Variants in RBM27 observed in about 807,000 individuals in gnomAD.
RBM27 encodes RNA-binding protein 27.
RBM27 carries 22 observed loss-of-function variants against 135.3 expected under a neutral mutation model. The ratio of observed to expected loss-of-function variants is 0.16; its 90% confidence interval spans 0.12 to 0.23. The LOEUF (loss-of-function observed/expected upper bound fraction) is 0.23, where lower values mean the gene tolerates loss of function less well. Among genes scored for constraint, RBM27 ranks in the 10% least tolerant of loss-of-function variants. The pLI, the probability that RBM27 is intolerant of heterozygous loss-of-function variation, is 1.00. For missense variants in RBM27, 1,009 were observed against 1,281.0 expected (o/e 0.79, Z 3.24); for synonymous variants, 481 against 442.4 (o/e 1.09, Z -1.10).
intron 19 of RBM27, 119 bp downstream of exon 19, chr5:146,271,793 T>A: frequency 1.2e-6 from 1 of 847,286 alleles, no homozygotes; most frequent in Non-Finnish European, 1.8e-6. Flanking sequence ...GTAAAAAACA[T>A]GAGTACTACC....
At chr5:146,215,957 G>T (rs1756171384) in intron 1 of RBM27, among the ~76,000 whole-genome samples, 1 of 151,932 alleles carries the variant, frequency 6.6e-6, no homozygotes, top group Non-Finnish European at 1.5e-5. Flanking sequence ...CACCATTTGG[G>T]TCAGGCTGGT....
chr5:146,271,669 T>G lies in RBM27; in HGVS notation c.2983T>G (p.Phe995Val), dbSNP rs961682640. 4.3e-6 allele frequency: 7 copies of G among 1,610,954 alleles called. No individual in the cohort carries two copies. In the African/African-American group the frequency reaches 6.7e-5, roughly 15 times the overall value. The change falls in exon 19 of 21, where the codon TTC becomes GTC. Residue 995 changes from phenylalanine (F) to valine (V), a missense_variant. Physicochemically the swap from Phe to Val is conservative, Grantham distance 50. Coordinates refer to ENST00000265271, the MANE Select transcript of RBM27 (RefSeq NM_018989.2). ...EEEKEDLLQH[F>V]STANQGPKFK... ...AGAAAAAGAAGACTTGCTTCAGCAT[T>G]TCTCAGTAAGTTTTTAAAATAGCAA...
chr5:146,260,232 G>A (rs1433308867), intron 11 of RBM27, among the ~76,000 whole-genome samples: 1 of 151,898 alleles, frequency 6.6e-6, no homozygotes, highest in Admixed American at 6.6e-5. Flanking sequence ...TTGGGAGGTG[G>A]AGGTTGCAGT....
intron 8 of RBM27, among the ~76,000 whole-genome samples, chr5:146,239,765 C>T: frequency 6.7e-6 from 1 of 148,668 alleles, no homozygotes; most frequent in Non-Finnish European, 1.5e-5. Flanking sequence ...TGTGAGCCAC[C>T]ACGCCTGGAC....
chr5:146,272,433 G>A (rs1758908798), intron 19 of RBM27, among the ~76,000 whole-genome samples: 1 of 152,206 alleles, frequency 6.6e-6, no homozygotes. Flanking sequence ...AAGTTTTAAA[G>A]ATGGCCAGGG....
chr5:146,275,889 C>T (rs1362789679), intron 19 of RBM27, among the ~76,000 whole-genome samples: 1 of 152,028 alleles, frequency 6.6e-6, no homozygotes, highest in Non-Finnish European at 1.5e-5. Context: ...TGAATTTTTC[C>T]TTCTTTTCAA....
intron 8 of RBM27, among the ~76,000 whole-genome samples, chr5:146,240,204 C>G (rs1757344284): frequency 1.3e-5 from 2 of 151,704 alleles, no homozygotes; most frequent in South Asian, 4.2e-4. Flanking sequence ...ACTTTCCCCC[C>G]CAATCTTCTT....
chr5:146,223,194 A>G (rs1410010055), intron 2 of RBM27, among the ~76,000 whole-genome samples: 1 of 152,156 alleles, frequency 6.6e-6, no homozygotes, highest in African/African-American at 2.4e-5. Context: ...ATATCCTCCA[A>G]CAAATAATCT....
At chr5:146,205,168 G>A (rs908040563) in intron 1 of RBM27, among the ~76,000 whole-genome samples, 1 of 152,258 alleles carries the variant, frequency 6.6e-6, no homozygotes, top group Non-Finnish European at 1.5e-5. Context: ...AAAGTGCTGG[G>A]ATTACAGGCG....
At chr5:146,269,630 G>T (rs1329223608) in intron 17 of RBM27, 46 bp downstream of exon 17, 6 of 1,349,266 alleles carry the variant, frequency 4.4e-6, no homozygotes, top group East Asian at 2.6e-5. Flanking sequence ...TTGAACATCT[G>T]CCATGTGCTT....
chr5:146,226,654 T>C (rs1756689135), intron 3 of RBM27, among the ~76,000 whole-genome samples: 1 of 152,158 alleles, frequency 6.6e-6, no homozygotes, highest in East Asian at 1.9e-4. Flanking sequence ...GTGCTGGGAT[T>C]ACAGGTGTGA....
At chr5:146,256,413 G>A (rs1460895614) in intron 10 of RBM27, among the ~76,000 whole-genome samples, 2 of 149,228 alleles carry the variant, frequency 1.3e-5, no homozygotes, top group Non-Finnish European at 1.5e-5. Flanking sequence ...GCAGTGGCAC[G>A]ATCTCGGCTC....
At chr5:146,272,594 C>T (rs1321720876) in intron 19 of RBM27, among the ~76,000 whole-genome samples, 3 of 151,832 alleles carry the variant, frequency 2.0e-5, no homozygotes, top group South Asian at 2.1e-4. Flanking sequence ...TGGTGGTGTG[C>T]GCCTGTAATC....
At chr5:146,237,463 CAG>C in intron 8 of RBM27, 31 bp downstream of exon 8, 1 of 1,610,764 alleles carries the variant, frequency 6.2e-7, no homozygotes, top group South Asian at 1.1e-5. Flanking sequence ...TTAAAATTGA[CAG>C]GGTATAGAAA....
intron 11 of RBM27, among the ~76,000 whole-genome samples, 198 bp downstream of exon 11, chr5:146,258,791 C>T (rs1337698396): frequency 2.0e-5 from 3 of 147,314 alleles, no homozygotes; most frequent in Non-Finnish European, 3.0e-5. Flanking sequence ...TTTTAAAAGA[C>T]GTAGTCATCC....
chr5:146,208,113 C>T (rs1415664366), intron 1 of RBM27, among the ~76,000 whole-genome samples: 2 of 151,846 alleles, frequency 1.3e-5, no homozygotes, highest in East Asian at 3.9e-4. Context: ...CCCGCCACTA[C>T]GCCCAGCTAA....
intron 11 of RBM27, among the ~76,000 whole-genome samples, chr5:146,259,774 C>A (rs1182534757): frequency 4.2e-5 from 6 of 142,782 alleles, no homozygotes; most frequent in Non-Finnish European, 1.5e-5. Flanking sequence ...GAGATCGAGA[C>A]CATCCTGGCT....
chr5:146,283,757 C>T (rs115587276), intron 19 of RBM27, among the ~76,000 whole-genome samples: 96 of 152,172 alleles, frequency 6.3e-4, no homozygotes, highest in Admixed American at 1.3e-3. Context: ...ATGCTATGCT[C>T]CAAGTGTTTT....
At chr5:146,274,782 A>G (rs7708876) in intron 19 of RBM27, among the ~76,000 whole-genome samples, 3,280 of 152,244 alleles carry the variant, frequency 0.022, 44 homozygotes, top group Middle Eastern at 0.048. Flanking sequence ...TGCAGGTTAT[A>G]TATATAACAG....
Sources: allele counts gnomAD v4.1 joint callset (sites outside exome capture counted in the v4.1 genomes callset), GRCh38; gene constraint gnomAD v4.1.1; transcripts MANE v1.5; gene names NCBI Gene and HGNC (gene_info 2026-07-23, HGNC 2026-07-21).